The following TEKT1 variants were observed in gnomAD, a reference collection of about 807,000 sequenced individuals.
The protein encoded by TEKT1 is tektin 1.
TEKT1 carries 32 observed loss-of-function variants against 34.8 expected under a neutral mutation model. That is an observed-to-expected ratio of 0.92 (90% CI 0.69 to 1.23). TEKT1 has a LOEUF of 1.23. TEKT1 is among the 50% of genes most tolerant of loss of function. TEKT1 has a pLI of 0.00. For missense variants in TEKT1, 492 were observed against 518.5 expected (o/e 0.95, Z 0.50); for synonymous variants, 207 against 199.8 (o/e 1.04, Z -0.30).
rs547565910 is a variant in TEKT1 at position 6,800,894 on chromosome 17, T to C, written c.902A>G (p.Lys301Arg). The C allele has an allele frequency of 1.5e-5, 24 of 1,613,982 alleles. No individual in the cohort carries two copies. The South Asian group carries it at 2.3e-4, about 16-fold the overall frequency. ...SQEKNITALE[K>R]AILDQEGPAK... ...TGGCCCTTCTTGGTCAAGGATGGCC[T>C]TTTCAAGAGCTGTAATATTTTTCTC... is the stretch of plus-strand genomic sequence containing the variant. Residue 301 changes from lysine (K) to arginine (R), a missense_variant, in exon 7 of 8, where the codon AAG (lysine) becomes AGG (arginine). Coordinates refer to ENST00000338694, the MANE Select transcript of TEKT1 (RefSeq NM_053285.2).
chr17:6,822,593 G>C lies in TEKT1; in HGVS notation c.191-3235C>G, dbSNP rs531723066. Among the ~76,000 whole-genome samples, 7 of 152,076 alleles carry C rather than the reference G, an allele frequency of 4.6e-5. No homozygotes were observed. The South Asian group carries it at 1.5e-3, about 32-fold the overall frequency. ...TTCTTTTGATTTTTAAGATTTTTCT[G>C]CTCTTATATTCTTAATTTCTAAGAA... On this transcript the variant is annotated intron_variant, in intron 2 of 7. Coordinates refer to ENST00000338694, the MANE Select transcript of TEKT1 (RefSeq NM_053285.2).
intron 6 of TEKT1, among the ~76,000 whole-genome samples, chr17:6,810,215 A>G (rs1176328213): frequency 6.6e-6 from 1 of 152,148 alleles, no homozygotes; most frequent in Non-Finnish European, 1.5e-5. Flanking sequence ...GCAATTCCCT[A>G]ATGACATAGG....
chr17:6,819,205 C>T lies in TEKT1; in HGVS notation c.344G>A (p.Cys115Tyr). The change falls in exon 3 of 8, where the codon TGC becomes TAC. Residue 115 changes from cysteine (C) to tyrosine (Y), a missense_variant. Cys to Tyr is a radical substitution (Grantham distance 194). Transcript: ENST00000338694. ...LKEPLHITET[C>Y]LAYREKRIGI... ...CCTTCGCTCCTACCTGTATGCCAGG[C>T]ATGTCTCAGTGATGTGCAAGGGCTC... 6.2e-7 allele frequency: 1 copy of T among 1,612,664 alleles called. No homozygotes were observed. The highest frequency in any genetic ancestry group is 8.5e-7 in the Non-Finnish European group (1 of 1,179,484).
In TEKT1 at chr17:6,800,023, A is replaced by T; in HGVS notation, c.*4T>A. On this transcript the variant is annotated 3_prime_UTR_variant, in exon 8 of 8. Coordinates refer to ENST00000338694, the MANE Select transcript of TEKT1 (RefSeq NM_053285.2). ...TTTAATGAGAATTGGAACTAGCCCT[A>T]CTATTAGCAGACAGCATCAGGGCGG... 6.2e-7 allele frequency: 1 copy of T among 1,603,358 alleles called. No homozygotes were observed. The highest frequency in any genetic ancestry group is 8.5e-7 in the Non-Finnish European group (1 of 1,179,264).
chr17:6,820,968 T>C (rs1339791947), intron 2 of TEKT1, among the ~76,000 whole-genome samples: 1 of 152,226 alleles, frequency 6.6e-6, no homozygotes, highest in East Asian at 1.9e-4. Flanking sequence ...AGTTTGTAAC[T>C]CTTTTTTATT....
intron 6 of TEKT1, among the ~76,000 whole-genome samples, chr17:6,801,768 A>C (rs1976777064): frequency 6.6e-6 from 1 of 152,232 alleles, no homozygotes; most frequent in South Asian, 2.1e-4. Context: ...TAACAAAATT[A>C]ATATTTAACT....
chr17:6,813,946 T>TTCTCTCTCTCTCTCTCTCTC lies in TEKT1; in HGVS notation c.630-913_630-894dup, dbSNP rs71157224. ...AAAAGACTGTGGCTTCTGTCATCCGTTCTCTCTCTCTCTCTCTCTCTCTCT... is the reference window on the plus strand; with the variant it reads ...AAAAGACTGTGGCTTCTGTCATCCGTTCTCTCTCTCTCTCTCTCTCTCTCTCTCTCTCTCTCTCTCTCTCT... On this transcript the variant is annotated intron_variant, in intron 5 of 7. Coordinates refer to ENST00000338694, the MANE Select transcript of TEKT1 (RefSeq NM_053285.2). Among the ~76,000 whole-genome samples, 263 of 145,938 alleles carry TTCTCTCTCTCTCTCTCTCTC rather than the reference T, an allele frequency of 1.8e-3. 4 individuals are homozygous for TTCTCTCTCTCTCTCTCTCTC. Among genetic ancestry groups the TTCTCTCTCTCTCTCTCTCTC allele is most frequent in the African/African-American group, 5.9e-3 (231 of 39,162 alleles).
At chr17:6,800,282 GC>G (rs1392212861) in intron 7 of TEKT1, 48 bp from the exon 8 acceptor site, 1 of 1,553,350 alleles carries the variant, frequency 6.4e-7, no homozygotes, top group Admixed American at 1.8e-5. Flanking sequence ...TCTATGCATT[GC>G]TTTTTCAAGG....
intron 3 of TEKT1, among the ~76,000 whole-genome samples, chr17:6,817,720 C>T (rs1977025690): frequency 6.6e-6 from 1 of 152,202 alleles, no homozygotes; most frequent in Admixed American, 6.5e-5. Flanking sequence ...GCTGGGTGCC[C>T]TTAGCCACTA....
chr17:6,815,351 G>A, intron 4 of TEKT1, 45 bp from the exon 5 acceptor site: 1 of 1,613,732 alleles, frequency 6.2e-7, no homozygotes, highest in Non-Finnish European at 8.5e-7. Context: ...GGAGTGCCCA[G>A]GTGGCACCCA....
At chr17:6,825,894 A>T (rs1374801917) in intron 2 of TEKT1, among the ~76,000 whole-genome samples, 1 of 152,178 alleles carries the variant, frequency 6.6e-6, no homozygotes, top group Non-Finnish European at 1.5e-5. Flanking sequence ...GGCCATTACA[A>T]ATGGCCCTCC....
Position 6,799,084 on chromosome 17 carries a change from C to G in TEKT1, c.*943G>C, listed in dbSNP as rs1268652727. On this transcript the variant is annotated 3_prime_UTR_variant, in exon 8 of 8. Transcript: ENST00000338694. ...TAAGGAACAAATGAGCAGTTTCCCA[C>G]AGCAAATGTCTTCCTTTGACAGTCA... 6.6e-6 allele frequency: 1 copy of G among 152,230 alleles called. No individual in the cohort carries two copies. The allele number at this position is 152,230 out of a possible 1,614,324, so 9.4% of individuals were successfully genotyped here.
chr17:6,801,270 T>A (rs1177462603), intron 6 of TEKT1, among the ~76,000 whole-genome samples: 1 of 152,226 alleles, frequency 6.6e-6, no homozygotes, highest in Non-Finnish European at 1.5e-5. Context: ...ACAGGGTACC[T>A]TTGTATCATG....
chr17:6,814,837 CAA>C (rs951549192), intron 5 of TEKT1: 15 of 155,532 alleles, frequency 9.6e-5, no homozygotes, highest in African/African-American at 3.0e-4. Context: ...GACTCTGTCT[CAA>C]AAAAAAAAGG....
intron 1 of TEKT1, 24 bp from the exon 2 acceptor site, chr17:6,830,417 G>C (rs1171041580): frequency 1.4e-6 from 2 of 1,460,768 alleles, no homozygotes; most frequent in Non-Finnish European, 1.8e-6. Flanking sequence ...GACTCTTTTA[G>C]ATTAAATGAA....
At chr17:6,812,794 A>G (rs1431224499) in intron 6 of TEKT1, 37 bp downstream of exon 6, 1 of 1,592,888 alleles carries the variant, frequency 6.3e-7, no homozygotes. Context: ...AAGCTCCTGA[A>G]TCTGCTCTTC....
In TEKT1 at chr17:6,815,964, TGG is replaced by T. The variant is rs748463164; in HGVS notation, c.357-4_357-3del. ...AGGTCAATGCCAATGCGCTTCTCCC[TGG>T]CAGGGGGAAAGGCAGCCAGTCAGCC... On this transcript the variant is annotated splice_region_variant and splice_polypyrimidine_tract_variant and intron_variant, in intron 3 of 7. Transcript: ENST00000338694. 6.2e-7 allele frequency: 1 copy of T among 1,613,744 alleles called. No homozygotes were observed. Among genetic ancestry groups the T allele is most frequent in the Non-Finnish European group, 8.5e-7 (1 of 1,180,010 alleles).
chr17:6,820,361 C>T (rs147460987), intron 2 of TEKT1, among the ~76,000 whole-genome samples: 1,574 of 151,382 alleles, frequency 0.01, 19 homozygotes, highest in South Asian at 0.048. Flanking sequence ...ACTGATTATA[C>T]TAGGAAAACA....
At chr17:6,818,067 C>T (rs968198698) in intron 3 of TEKT1, among the ~76,000 whole-genome samples, 1 of 152,166 alleles carries the variant, frequency 6.6e-6, no homozygotes, top group African/African-American at 2.4e-5. Flanking sequence ...GGGCATGGTG[C>T]ATTTGAGAAA....
Sources: gnomAD v4.1 joint callset for allele counts (sites outside exome capture counted in the v4.1 genomes callset) on GRCh38, gnomAD v4.1.1 for gene constraint, MANE v1.5 for transcripts, NCBI Gene and HGNC (gene_info 2026-07-23, HGNC 2026-07-21) for gene names.